NTRK3: variants seen among roughly 807,000 people sequenced by gnomAD.
The protein encoded by NTRK3 is neurotrophic receptor tyrosine kinase 3.
In NTRK3, 24 loss-of-function variants were observed where a neutral mutation model predicts 91.7. The observed-to-expected ratio is 0.26, with a 90% CI of 0.19 to 0.37. NTRK3 has a LOEUF of 0.37. NTRK3 is among the 10% of genes least tolerant of loss of function. The pLI is 1.00. For missense variants in NTRK3, 880 were observed against 1,068.9 expected (o/e 0.82, Z 2.46); for synonymous variants, 483 against 404.0 (o/e 1.20, Z -2.34).
At chr15:88,157,202 C>T (rs372064470) in intron 5 of NTRK3, among the ~76,000 whole-genome samples, 24 of 152,182 alleles carry the variant, frequency 1.6e-4, no homozygotes, top group African/African-American at 2.9e-4. Flanking sequence ...AGGATGAAGG[C>T]GCTCTCGCTC....
At chr15:87,963,425 T>C (rs1454628881) in intron 14 of NTRK3, among the ~76,000 whole-genome samples, 1 of 152,204 alleles carries the variant, frequency 6.6e-6, no homozygotes, top group Non-Finnish European at 1.5e-5. Flanking sequence ...TTATTAAGAC[T>C]GTGGGGAATC....
rs142669661 is a variant in NTRK3 at position 87,908,052 on chromosome 15, C to T, written c.2133+21139G>A. On this transcript the variant is annotated intron_variant, in intron 17 of 18. Transcript: ENST00000394480. ...CAATTAGGGCATTCTTATTTCCTTA[C>T]AGGGAGTCTCCTATGGAGTGTAAGC... 3.2e-3 allele frequency among the ~76,000 whole-genome samples: 490 copies of T among 152,262 alleles called. 2 individuals are homozygous for T. Among genetic ancestry groups the T allele is most frequent in the African/African-American group, 0.011 (451 of 41,562 alleles).
intron 15 of NTRK3, among the ~76,000 whole-genome samples, 153 bp from the exon 16 acceptor site, chr15:87,933,337 A>T (rs1378936255): frequency 6.6e-6 from 1 of 152,208 alleles, no homozygotes; most frequent in African/African-American, 2.4e-5. Context: ...AATCTCAACT[A>T]TAAGGCCTGA....
rs976794821 is a variant in NTRK3, at chr15:88,255,687, C to A, written c.248+219G>T. ...CCGGGGTCCTCTCCGGGGAGAGGCA[C>A]ACACACGCATAGCCGGATCGCGCCT... On this transcript the variant is annotated intron_variant, in intron 3 of 18. Coordinates refer to ENST00000394480, the Ensembl canonical transcript of NTRK3. This position sits in a 1 kb window ranked among gnomAD's most constrained non-coding sequence, Gnocchi z 4.3. Among the ~76,000 whole-genome samples, 1 of 152,170 alleles carries A rather than the reference C, an allele frequency of 6.6e-6. No homozygotes were observed. Among genetic ancestry groups the A allele is most frequent in the Non-Finnish European group, 1.5e-5 (1 of 68,026 alleles).
chr15:87,949,762 C>T (rs1228142654), intron 14 of NTRK3, among the ~76,000 whole-genome samples: 1 of 152,182 alleles, frequency 6.6e-6, no homozygotes. Flanking sequence ...GTTGGCCTTT[C>T]CCGTGGCAAG....
intron 13 of NTRK3, among the ~76,000 whole-genome samples, chr15:88,101,528 A>C (rs2050172191): frequency 6.6e-6 from 1 of 152,252 alleles, no homozygotes; most frequent in Admixed American, 6.5e-5. Context: ...TATATACCCA[A>C]AGGATTATAA....
intron 5 of NTRK3, among the ~76,000 whole-genome samples, chr15:88,179,854 T>C (rs915766729): frequency 6.6e-6 from 1 of 152,070 alleles, no homozygotes; most frequent in South Asian, 2.1e-4. Context: ...AAGAGGAGAA[T>C]AGAGAACTTA....
intron 3 of NTRK3, among the ~76,000 whole-genome samples, chr15:88,207,929 CA>C (rs1265335941): frequency 1.8e-4 from 28 of 152,216 alleles, no homozygotes; most frequent in Non-Finnish European, 2.1e-4. Context: ...ACTTGAACAA[CA>C]GGTAACCTTG....
At chr15:87,998,622 A>T (rs1422291743) in intron 14 of NTRK3, among the ~76,000 whole-genome samples, 1 of 152,344 alleles carries the variant, frequency 6.6e-6, no homozygotes, top group Non-Finnish European at 1.5e-5. Context: ...ACCACCCCTT[A>T]TTATACCACA....
chr15:87,880,601 G>A (rs1441368838), intron 17 of NTRK3, among the ~76,000 whole-genome samples, 173 bp from the exon 19 acceptor site: 1 of 152,166 alleles, frequency 6.6e-6, no homozygotes, highest in African/African-American at 2.4e-5. Flanking sequence ...GGAGACCTAC[G>A]ATAAAGGAGA....
At position 88,241,680 on chromosome 15, in the gene NTRK3, A is replaced by G. The variant is rs190284982; in HGVS notation, c.248+14226T>C. Among the ~76,000 whole-genome samples, 195 of 151,850 alleles carry G rather than the reference A, an allele frequency of 1.3e-3. No homozygotes were observed. Among genetic ancestry groups the G allele is most frequent in the African/African-American group, 4.4e-3 (183 of 41,368 alleles). On this transcript the variant is annotated intron_variant, in intron 3 of 18. Transcript: ENST00000394480. This position sits in a 1 kb window ranked among gnomAD's most constrained non-coding sequence, Gnocchi z 4.3. ...CTACCCTTCAATACCACGTGGAGCTACTCTCTTCATCTGACCTGCACCTCG... is the reference window on the plus strand; with the variant it reads ...CTACCCTTCAATACCACGTGGAGCTGCTCTCTTCATCTGACCTGCACCTCG...
At chr15:88,159,826 A>G (rs1432365942) in intron 5 of NTRK3, among the ~76,000 whole-genome samples, 1 of 152,046 alleles carries the variant, frequency 6.6e-6, no homozygotes, top group Non-Finnish European at 1.5e-5. Context: ...GGGCAGGGCC[A>G]TCACAGCACT....
intron 15 of NTRK3, among the ~76,000 whole-genome samples, chr15:87,936,070 C>T (rs185717625): frequency 3.3e-4 from 50 of 152,262 alleles, no homozygotes; most frequent in Non-Finnish European, 4.7e-4. Flanking sequence ...AAAATAGGGC[C>T]GGTGACTCTC....
intron 17 of NTRK3, among the ~76,000 whole-genome samples, chr15:87,914,555 T>C (rs1399000250): frequency 6.6e-6 from 1 of 152,244 alleles, no homozygotes; most frequent in Non-Finnish European, 1.5e-5. Flanking sequence ...TTTAATTAAG[T>C]AACTTTTATT....
At chr15:88,016,989 C>A (rs1426224581) in intron 14 of NTRK3, among the ~76,000 whole-genome samples, 2 of 146,864 alleles carry the variant, frequency 1.4e-5, no homozygotes, top group Non-Finnish European at 3.0e-5. Context: ...AAGCCCCTGA[C>A]CAAATTCCCC....
intron 13 of NTRK3, among the ~76,000 whole-genome samples, chr15:88,046,403 C>T (rs982118989): frequency 2.6e-5 from 4 of 152,092 alleles, no homozygotes; most frequent in African/African-American, 9.7e-5. Flanking sequence ...GAACAGGTCC[C>T]CAGGTCTACA....
chr15:88,119,082 C>T (rs1437171154), intron 13 of NTRK3, among the ~76,000 whole-genome samples: 1 of 152,344 alleles, frequency 6.6e-6, no homozygotes, highest in African/African-American at 2.4e-5. Flanking sequence ...TGCAAGGGAA[C>T]AGTTGGTTCC....
intron 17 of NTRK3, chr15:87,916,665 G>A (rs2067469452): frequency 1.5e-6 from 1 of 688,190 alleles, no homozygotes; most frequent in African/African-American, 1.8e-5. Flanking sequence ...ATTATTTTTT[G>A]GCAGGATTAG....
intron 13 of NTRK3, among the ~76,000 whole-genome samples, chr15:88,047,802 T>C (rs1226558418): frequency 1.3e-5 from 2 of 152,130 alleles, no homozygotes; most frequent in African/African-American, 4.8e-5. Flanking sequence ...AGAGCCCCCT[T>C]TGGTCTGGAT....
Sources: allele counts gnomAD v4.1 joint callset (sites outside exome capture counted in the v4.1 genomes callset), GRCh38; gene constraint gnomAD v4.1.1; non-coding constraint Gnocchi (gnomAD v3.1); transcripts MANE v1.5; gene names NCBI Gene and HGNC (gene_info 2026-07-23, HGNC 2026-07-21).